The following MXD4 variants were observed in gnomAD, a reference collection of about 807,000 sequenced individuals.
MXD4 encodes Mad4 homolog.
In MXD4, 16 loss-of-function variants were observed where a neutral mutation model predicts 24.5. That is an observed-to-expected ratio of 0.65 (90% CI 0.44 to 0.99). MXD4 has a LOEUF of 0.99. Ranked by LOEUF, MXD4 falls within the 50% of genes least tolerant of loss-of-function variation. MXD4 has a pLI of 0.00. For synonymous variants in MXD4, 164 were observed against 134.2 expected, an observed-to-expected ratio of 1.22 and a Z score of -1.54; for missense variants, 301 against 301.5, an observed-to-expected ratio of 1.00 and a Z score of 0.01.
Position 2,262,049 on chromosome 4 carries a change from C to T in MXD4, c.-69G>A. The T allele has an allele frequency of 2.2e-6, 2 of 898,150 alleles. No individual in the cohort carries two copies. The highest frequency in any genetic ancestry group is 2.7e-6 in the Non-Finnish European group (2 of 748,016). 55.6% of individuals were successfully genotyped at this position (898,150 alleles called of 1,614,324 possible). ...GCCCGGCCCGCTCCGGCCGGCTCCG[C>T]TCGCCGCCCACCCCGCGCGCCCGGC... On this transcript the variant is annotated 5_prime_UTR_variant, in exon 1 of 6. Transcript: ENST00000337190.
chr4:2,259,201 TCCTGTCCCAACCACTCAGGCCAAGGG>T, intron 2 of MXD4: 2 of 333,970 alleles, frequency 6.0e-6, no homozygotes, highest in South Asian at 4.3e-5. Context: ...ATCTGGCGTC[TCCTGTCCCAACCACTCAGGCCAAGGG>T]CCTGCCCCTC....
chr4:2,253,871 C>T (rs1387792548), intron 3 of MXD4: 3 of 152,258 alleles, frequency 2.0e-5, no homozygotes, highest in Non-Finnish European at 4.4e-5. Flanking sequence ...GGAAAGGGGT[C>T]CCAGGCTGCC....
intron 3 of MXD4, 131 bp downstream of exon 3, chr4:2,257,851 C>G: frequency 8.1e-7 from 1 of 1,239,744 alleles, no homozygotes. Flanking sequence ...TGACCATTCC[C>G]AAGACAAGGA....
At position 2,262,047 on chromosome 4, in the gene MXD4, C is replaced by T; in HGVS notation, c.-67G>A. ...CTGCCCGGCCCGCTCCGGCCGGCTC[C>T]GCTCGCCGCCCACCCCGCGCGCCCG... On this transcript the variant is annotated 5_prime_UTR_variant, in exon 1 of 6. Coordinates refer to ENST00000337190, the MANE Select transcript of MXD4 (RefSeq NM_006454.3). 1.1e-6 allele frequency: 1 copy of T among 901,650 alleles called. No homozygotes were observed. The highest frequency in any genetic ancestry group is 4.9e-5 in the South Asian group (1 of 20,306). The allele number at this position is 901,650 out of a possible 1,614,324, so 55.9% of individuals were successfully genotyped here.
intron 3 of MXD4, chr4:2,254,838 G>A (rs1243557402): frequency 2.4e-5 from 4 of 165,256 alleles, no homozygotes; most frequent in Non-Finnish European, 4.0e-5. Context: ...TGGCTCCTGC[G>A]CCAGCCACTT....
At chr4:2,252,594 C>G (rs1735346739) in intron 3 of MXD4, 72 bp from the exon 4 acceptor site, 1 of 978,198 alleles carries the variant, frequency 1.0e-6, no homozygotes, top group South Asian at 1.5e-5. Flanking sequence ...GGGCCCTGCA[C>G]AGACCCACCC....
intron 2 of MXD4, chr4:2,259,144 C>T (rs1372954316): frequency 4.4e-5 from 15 of 340,418 alleles, no homozygotes; most frequent in South Asian, 3.1e-4. Context: ...GGACCTGGCT[C>T]CTTCCTGAAG....
At chr4:2,261,700 CG>C in intron 2 of MXD4, 24 bp downstream of exon 2, 1 of 1,252,272 alleles carries the variant, frequency 8.0e-7, no homozygotes, top group Non-Finnish European at 1.0e-6. Context: ...CCGGGCCGGG[CG>C]GGGTCGGGAG....
chr4:2,257,607 C>T (rs371855016), intron 3 of MXD4, among the ~76,000 whole-genome samples: 2 of 152,258 alleles, frequency 1.3e-5, no homozygotes, highest in Non-Finnish European at 2.9e-5. Context: ...GACTCTAGCA[C>T]GGCTTCTTGG....
rs545084935 is a variant in MXD4 at position 2,247,861 on chromosome 4, C to T, written c.*2683G>A. On this transcript the variant is annotated 3_prime_UTR_variant, in exon 6 of 6. Transcript: ENST00000337190. Reference sequence around the variant, plus strand: ...GAGGCAAAGCCTTGCTGCAGCCTCTCCCACTCTGCGAGGATGGCGGGGGTC... The same window carrying T: ...GAGGCAAAGCCTTGCTGCAGCCTCTTCCACTCTGCGAGGATGGCGGGGGTC... The T allele has an allele frequency of 2.9e-4, 44 of 152,550 alleles. 1 individual carries two copies. The highest frequency in any genetic ancestry group is 1.0e-3 in the African/African-American group (43 of 41,590). The allele number at this position is 152,550 out of a possible 1,614,324, so 9.4% of individuals were successfully genotyped here.
intron 2 of MXD4, among the ~76,000 whole-genome samples, chr4:2,258,360 G>A (rs1033756549): frequency 1.3e-5 from 2 of 152,152 alleles, no homozygotes; most frequent in African/African-American, 4.8e-5. Context: ...GCAGGTCCAG[G>A]GCGCCCAGGG....
chr4:2,255,783 C>T (rs188921884), intron 3 of MXD4, among the ~76,000 whole-genome samples: 3 of 152,310 alleles, frequency 2.0e-5, no homozygotes, highest in African/African-American at 2.4e-5. Flanking sequence ...CCACCTCTGA[C>T]GCAGCACTTC....
chr4:2,261,892 G>A (rs749289211), intron 1 of MXD4, 25 bp downstream of exon 1: 1 of 1,423,254 alleles, frequency 7.0e-7, no homozygotes, highest in South Asian at 1.4e-5. Flanking sequence ...ACCGCCGCGG[G>A]CGCACAATGG....
In MXD4 at chr4:2,251,377, G is replaced by C. The variant is rs1025535128; in HGVS notation, c.310-131C>G. The C allele has an allele frequency of 3.4e-6, 4 of 1,161,716 alleles. No homozygotes were observed. In the African/African-American group the frequency reaches 6.3e-5, roughly 18 times the overall value. 72.0% of individuals were successfully genotyped at this position (1,161,716 alleles called of 1,614,324 possible). On this transcript the variant is annotated intron_variant, in intron 4 of 5. Coordinates refer to ENST00000337190, the MANE Select transcript of MXD4 (RefSeq NM_006454.3). ...CTGCCAAGACCTAGCCAAGGCTACA[G>C]GCCACAGGGTGCCCAGTCTCTGCCA...
At chr4:2,251,062 T>TGCCCCGC in intron 5 of MXD4, 22 bp downstream of exon 5, 1 of 1,531,854 alleles carries the variant, frequency 6.5e-7, no homozygotes, top group Non-Finnish European at 8.8e-7. Context: ...CAGGTGAGGC[T>TGCCCCGC]GCCCCGCGCC....
At position 2,247,715 on chromosome 4, in the gene MXD4, A is replaced by C. The variant is rs760878270; in HGVS notation, c.*2829T>G. ...GGCAGGGCACGGGGGAGCCTGCCTCACCCAGCGGACAGCACGGGCCGGGGC... is the reference window on the plus strand; with the variant it reads ...GGCAGGGCACGGGGGAGCCTGCCTCCCCCAGCGGACAGCACGGGCCGGGGC... On this transcript the variant is annotated 3_prime_UTR_variant, in exon 6 of 6. Transcript: ENST00000337190. 2.0e-5 allele frequency: 3 copies of C among 152,368 alleles called. No individual in the cohort carries two copies. The highest frequency in any genetic ancestry group is 2.9e-5 in the Non-Finnish European group (2 of 68,216). 9.4% of individuals were successfully genotyped at this position (152,368 alleles called of 1,614,324 possible).
rs1158704276 is a variant in MXD4 at position 2,248,773 on chromosome 4, C to A, written c.*1771G>T. Reference sequence around the variant, plus strand: ...CATCCTGGGGCGTCTATGCGTACGACTGAAAATAGACACGAATTTTCCCCA... The same window carrying A: ...CATCCTGGGGCGTCTATGCGTACGAATGAAAATAGACACGAATTTTCCCCA... On this transcript the variant is annotated 3_prime_UTR_variant, in exon 6 of 6. Coordinates refer to ENST00000337190, the MANE Select transcript of MXD4 (RefSeq NM_006454.3). 3 of 152,320 alleles carry A rather than the reference C, an allele frequency of 2.0e-5. No homozygotes were observed. The highest frequency in any genetic ancestry group is 7.2e-5 in the African/African-American group (3 of 41,464). 9.4% of individuals were successfully genotyped at this position (152,320 alleles called of 1,614,324 possible). A position where few individuals can be genotyped will look rare whatever the true frequency, so the allele number is the denominator to read the frequency against.
Position 2,250,586 on chromosome 4 carries a change from G to A in MXD4, c.588C>T (p.Phe196=), listed in dbSNP as rs747682089. The change falls in exon 6 of 6, where the codon TTC becomes TTT. Residue 196 remains phenylalanine, a synonymous_variant. Coordinates refer to ENST00000337190, the MANE Select transcript of MXD4 (RefSeq NM_006454.3). The stretch of plus-strand genomic sequence containing the variant: ...GGCCCAGCCGCCGGCAGTGGGGCCC[G>A]AAGCCACTGTCGCCGCCGGTGCCAC... ...LQSGTGGDSG[F]GPHCRRLGRP... is the part of the protein sequence containing the mutation. 34 of 1,609,228 alleles carry A rather than the reference G, an allele frequency of 2.1e-5. No individual in the cohort carries two copies. Among genetic ancestry groups the A allele is most frequent in the East Asian group, 4.5e-5 (2 of 44,782 alleles).
intron 3 of MXD4, chr4:2,252,802 C>T (rs1735351991): frequency 8.3e-6 from 3 of 359,860 alleles, no homozygotes; most frequent in Non-Finnish European, 1.5e-5. Context: ...AGCCCCAGCT[C>T]GCCCCCCTGC....
Sources: gnomAD v4.1 joint callset for allele counts (sites outside exome capture counted in the v4.1 genomes callset) on GRCh38, gnomAD v4.1.1 for gene constraint, MANE v1.5 for transcripts, NCBI Gene and HGNC (gene_info 2026-07-23, HGNC 2026-07-21) for gene names.